RBMS3: variants seen among roughly 807,000 people sequenced by gnomAD.
RBMS3 encodes the protein RNA binding motif single stranded interacting protein 3.
Under a neutral mutation model 66.8 loss-of-function variants are expected in RBMS3, and 27 were observed. The observed-to-expected ratio is 0.40, with a 90% CI of 0.30 to 0.56. The LOEUF (loss-of-function observed/expected upper bound fraction) is 0.56, where lower values mean the gene tolerates loss of function less well. RBMS3 is among the 20% of genes least tolerant of loss of function. The pLI, the probability that RBMS3 is intolerant of heterozygous loss-of-function variation, is 0.40. For missense variants in RBMS3, 513 were observed against 549.5 expected (o/e 0.93, Z 0.66); for synonymous variants, 188 against 183.0 (o/e 1.03, Z -0.22).
chr3:29,342,403 G>T (rs528200977), intron 1 of RBMS3, among the ~76,000 whole-genome samples: 9 of 152,082 alleles, frequency 5.9e-5, no homozygotes, highest in Non-Finnish European at 7.4e-5. Flanking sequence ...TCTGGATTTG[G>T]AATATGCTAA....
chr3:29,692,554 G>A (rs763387604), intron 4 of RBMS3, among the ~76,000 whole-genome samples: 31 of 152,064 alleles, frequency 2.0e-4, no homozygotes, highest in Non-Finnish European at 2.8e-4. Context: ...TCTTGTAAAC[G>A]TTACATTAAG....
intron 6 of RBMS3, among the ~76,000 whole-genome samples, chr3:29,799,819 T>A (rs1378970217): frequency 1.3e-5 from 2 of 152,206 alleles, no homozygotes; most frequent in African/African-American, 4.8e-5. Flanking sequence ...GCTGTCTCTG[T>A]CTATTTCCTC....
chr3:29,346,362 G>A (rs1424210755), intron 1 of RBMS3, among the ~76,000 whole-genome samples: 1 of 103,362 alleles, frequency 9.7e-6, no homozygotes, highest in Non-Finnish European at 2.1e-5. Context: ...GATTATTTCT[G>A]TTTTATTGTG....
chr3:29,487,394 A>G (rs2043361853), intron 2 of RBMS3, among the ~76,000 whole-genome samples: 1 of 152,214 alleles, frequency 6.6e-6, no homozygotes, highest in South Asian at 2.1e-4. Flanking sequence ...TGAAATCCCT[A>G]ACATTTAAAA....
At chr3:29,786,446 A>G (rs1179474605) in intron 6 of RBMS3, among the ~76,000 whole-genome samples, 1 of 152,214 alleles carries the variant, frequency 6.6e-6, no homozygotes, top group Non-Finnish European at 1.5e-5. Flanking sequence ...TTCAAACTAT[A>G]CTACAAGGCC....
chr3:29,645,785 T>TA (rs2049898936), intron 4 of RBMS3, among the ~76,000 whole-genome samples: 1 of 152,250 alleles, frequency 6.6e-6, no homozygotes, highest in Non-Finnish European at 1.5e-5. Flanking sequence ...ATGGATGTCA[T>TA]ACATCCCATA....
chr3:29,651,580 T>A (rs774070186), intron 4 of RBMS3, among the ~76,000 whole-genome samples: 1 of 152,058 alleles, frequency 6.6e-6, no homozygotes, highest in African/African-American at 2.4e-5. Flanking sequence ...TGTACACACA[T>A]ACACACACCG....
chr3:29,760,128 T>C (rs540572220), intron 5 of RBMS3, among the ~76,000 whole-genome samples: 1 of 152,172 alleles, frequency 6.6e-6, no homozygotes, highest in African/African-American at 2.4e-5. Flanking sequence ...ACACTTAGAA[T>C]GCAGAAGGGA....
In RBMS3 at chr3:29,365,343, T is replaced by A. The variant is rs542526162; in HGVS notation, c.76-69400T>A. Among the ~76,000 whole-genome samples the A allele has an allele frequency of 3.9e-5, 6 of 152,080 alleles. No homozygotes were observed. The South Asian group carries it at 8.3e-4, about 21-fold the overall frequency. On this transcript the variant is annotated intron_variant, in intron 1 of 14. Coordinates refer to ENST00000383767, the MANE Select transcript of RBMS3 (RefSeq NM_001003793.3). ...ATATATATATATATTCTTTAAAAAA[T>A]TTTTTAGATATTGCCATTCAATTTA...
At chr3:29,755,912 A>T (rs929151760) in intron 5 of RBMS3, among the ~76,000 whole-genome samples, 3 of 152,210 alleles carry the variant, frequency 2.0e-5, no homozygotes, top group Admixed American at 1.3e-4. Flanking sequence ...AAGGATGAGC[A>T]GAAATACACC....
intron 1 of RBMS3, among the ~76,000 whole-genome samples, chr3:29,306,506 C>T (rs1429790698): frequency 6.6e-6 from 1 of 151,850 alleles, no homozygotes; most frequent in Admixed American, 6.6e-5. Context: ...CCACTTGCAA[C>T]CATAAAACCT....
At chr3:29,833,050 G>A (rs114510403) in intron 6 of RBMS3, among the ~76,000 whole-genome samples, 133 of 152,226 alleles carry the variant, frequency 8.7e-4, no homozygotes, top group African/African-American at 3.0e-3. Context: ...TTGTGGGATC[G>A]AGAGACAGCA....
chr3:29,381,448 G>A (rs749306185), intron 1 of RBMS3, among the ~76,000 whole-genome samples: 16 of 152,148 alleles, frequency 1.1e-4, no homozygotes, highest in African/African-American at 1.7e-4. Flanking sequence ...AAATGGGGTT[G>A]GTTTTGAGGT....
chr3:29,358,163 G>A (rs2037341621), intron 1 of RBMS3, among the ~76,000 whole-genome samples: 1 of 152,158 alleles, frequency 6.6e-6, no homozygotes. Flanking sequence ...TTCCTCTAGA[G>A]ATTTTATGGT....
intron 1 of RBMS3, among the ~76,000 whole-genome samples, chr3:29,434,424 G>T (rs971685812): frequency 5.3e-5 from 8 of 152,120 alleles, no homozygotes; most frequent in Non-Finnish European, 7.3e-5. Context: ...TTTTATTAGG[G>T]AAGAAGATAT....
At chr3:29,634,047 A>G (rs1160308689) in intron 4 of RBMS3, among the ~76,000 whole-genome samples, 4 of 151,908 alleles carry the variant, frequency 2.6e-5, no homozygotes, top group Non-Finnish European at 5.9e-5. Flanking sequence ...GAAGATGTTT[A>G]TATCATCAGA....
At chr3:29,457,583 G>A (rs771424152) in intron 2 of RBMS3, among the ~76,000 whole-genome samples, 9 of 152,046 alleles carry the variant, frequency 5.9e-5, no homozygotes, top group South Asian at 2.1e-4. Flanking sequence ...TCAGCTGGGC[G>A]TAGTGGTGCA....
intron 1 of RBMS3, among the ~76,000 whole-genome samples, chr3:29,376,634 G>A (rs575282003): frequency 3.3e-4 from 50 of 152,282 alleles, no homozygotes; most frequent in African/African-American, 1.1e-3. Flanking sequence ...ACGACCAGGC[G>A]CAGTGGCTCA....
chr3:29,326,832 G>A (rs2035366803), intron 1 of RBMS3, among the ~76,000 whole-genome samples: 3 of 151,560 alleles, frequency 2.0e-5, no homozygotes, highest in Admixed American at 2.0e-4. Context: ...CTGGGTTCCA[G>A]CGATTCTCCT....
Sources: allele counts gnomAD v4.1 joint callset (sites outside exome capture counted in the v4.1 genomes callset), GRCh38; gene constraint gnomAD v4.1.1; transcripts MANE v1.5; gene names NCBI Gene and HGNC (gene_info 2026-07-23, HGNC 2026-07-21).